The following MOB3B variants were observed in gnomAD, a reference collection of about 807,000 sequenced individuals.
MOB3B encodes MOB kinase activator-like 2B.
In MOB3B, 7 loss-of-function variants were observed where a neutral mutation model predicts 18.7. The observed-to-expected ratio is 0.37, with a 90% CI of 0.21 to 0.70. The LOEUF (loss-of-function observed/expected upper bound fraction) is 0.70. Among genes scored for constraint, MOB3B ranks in the 30% least tolerant of loss-of-function variants. MOB3B has a pLI of 0.52. For synonymous variants in MOB3B, 111 were observed against 99.9 expected (o/e 1.11, Z -0.66); for missense variants, 253 against 281.3 (o/e 0.90, Z 0.72).
intron 2 of MOB3B, among the ~76,000 whole-genome samples, chr9:27,404,717 G>A (rs77346764): frequency 2.0e-5 from 3 of 152,126 alleles, no homozygotes; most frequent in Non-Finnish European, 4.4e-5. Flanking sequence ...TGGCTATTGT[G>A]AACAGTGGTT....
intron 1 of MOB3B, among the ~76,000 whole-genome samples, chr9:27,491,080 T>TA (rs1337457965): frequency 6.6e-6 from 1 of 151,974 alleles, no homozygotes; most frequent in Non-Finnish European, 1.5e-5. Context: ...TCTCATACTT[T>TA]AAAAAAATCC....
chr9:27,350,583 C>A (rs1821089124), intron 3 of MOB3B, among the ~76,000 whole-genome samples: 1 of 152,184 alleles, frequency 6.6e-6, no homozygotes, highest in East Asian at 1.9e-4. Flanking sequence ...ATAAATAGGA[C>A]TGGCAGAGAC....
At chr9:27,501,281 A>G (rs753546442) in intron 1 of MOB3B, among the ~76,000 whole-genome samples, 22 of 152,154 alleles carry the variant, frequency 1.4e-4, no homozygotes, top group Non-Finnish European at 3.1e-4. Context: ...AAATCATGCT[A>G]CTATAAAGAC....
Position 27,352,756 on chromosome 9 carries a change from C to G in MOB3B, c.621+6278G>C, listed in dbSNP as rs141357839. Among the ~76,000 whole-genome samples the G allele has an allele frequency of 7.2e-5, 11 of 152,256 alleles. No homozygotes were observed. The East Asian group carries it at 2.1e-3, about 29-fold the overall frequency. On this transcript the variant is annotated intron_variant, in intron 3 of 3. Coordinates refer to ENST00000262244, the MANE Select transcript of MOB3B (RefSeq NM_024761.5). ...TGAGCAGTGCTGCCCAGAGTGTGTT[C>G]CATGGATCATGATATCTCTAAGATG... is the stretch of plus-strand genomic sequence containing the variant.
In MOB3B at chr9:27,329,198, C is replaced by T. The variant is rs1046076179; in HGVS notation, c.*1389G>A. ...TAATACATTCTTATCTACTTCCCTC[C>T]ACCGACAAATATTTTGCTAAATTAA... On this transcript the variant is annotated 3_prime_UTR_variant, in exon 4 of 4. Coordinates refer to ENST00000262244, the MANE Select transcript of MOB3B (RefSeq NM_024761.5). 1.3e-5 allele frequency: 2 copies of T among 152,130 alleles called. No individual in the cohort carries two copies. The highest frequency in any genetic ancestry group is 4.1e-4 in the South Asian group (2 of 4,822). The allele number at this position is 152,130 out of a possible 1,614,324, so 9.4% of individuals were successfully genotyped here. A position where few individuals can be genotyped will look rare whatever the true frequency, so the allele number is the denominator to read the frequency against.
intron 2 of MOB3B, among the ~76,000 whole-genome samples, chr9:27,389,012 T>C (rs1821688900): frequency 6.6e-6 from 1 of 152,206 alleles, no homozygotes; most frequent in Non-Finnish European, 1.5e-5. Flanking sequence ...CTCCACACAA[T>C]GGTCTGAGTA....
chr9:27,401,575 A>T (rs1821880005), intron 2 of MOB3B, among the ~76,000 whole-genome samples: 1 of 152,144 alleles, frequency 6.6e-6, no homozygotes, highest in Non-Finnish European at 1.5e-5. Flanking sequence ...ATTACCCCTT[A>T]AAAAACTTGC....
chr9:27,525,064 C>G, intron 1 of MOB3B: 1 of 1,006,522 alleles, frequency 9.9e-7, no homozygotes, highest in Non-Finnish European at 1.4e-6. Flanking sequence ...GTAAGCCTGT[C>G]CTCAGTTGGA....
intron 3 of MOB3B, among the ~76,000 whole-genome samples, chr9:27,336,539 G>T (rs1177862660): frequency 1.3e-5 from 2 of 152,074 alleles, no homozygotes; most frequent in African/African-American, 2.4e-5. Context: ...GGAAACTTTG[G>T]AAAAATGACT....
At chr9:27,456,398 C>T (rs1587229035) in intron 1 of MOB3B, among the ~76,000 whole-genome samples, 1 of 152,130 alleles carries the variant, frequency 6.6e-6, no homozygotes, top group East Asian at 1.9e-4. Context: ...GCTGCCAATA[C>T]ACAGAGAAAC....
rs113423178 is a variant in MOB3B, at chr9:27,425,385, A to C, written c.418+29748T>G. Among the ~76,000 whole-genome samples, 84 of 145,158 alleles carry C rather than the reference A, an allele frequency of 5.8e-4. 1 individual carries two copies. Among genetic ancestry groups the C allele is most frequent in the African/African-American group, 1.5e-3 (59 of 39,244 alleles). On this transcript the variant is annotated intron_variant, in intron 2 of 3. Transcript: ENST00000262244. The stretch of plus-strand genomic sequence containing the variant: ...AGCAAAACTGTCTCAAAAAAAAAAA[A>C]AAAACAAAACAACAACAACAAAAAA...
chr9:27,399,164 C>T (rs1250158741), intron 2 of MOB3B, among the ~76,000 whole-genome samples: 1 of 152,202 alleles, frequency 6.6e-6, no homozygotes, highest in Non-Finnish European at 1.5e-5. Flanking sequence ...CCCTATCTCT[C>T]TCTTTCATAA....
chr9:27,326,641 G>A lies in MOB3B; in HGVS notation c.*3946C>T. The A allele has an allele frequency of 2.5e-6, 1 of 398,338 alleles. No homozygotes were observed. The highest frequency in any genetic ancestry group is 4.4e-6 in the Non-Finnish European group (1 of 225,938). 24.7% of individuals were successfully genotyped at this position (398,338 alleles called of 1,614,324 possible). ...TTGAGAGATAGAAGGAATTGATTAA[G>A]AAACCTCTCAAAGTTTCTTCCACTT... On this transcript the variant is annotated 3_prime_UTR_variant, in exon 4 of 4. Transcript: ENST00000262244.
At chr9:27,466,604 G>A (rs781769692) in intron 1 of MOB3B, among the ~76,000 whole-genome samples, 1 of 152,152 alleles carries the variant, frequency 6.6e-6, no homozygotes, top group African/African-American at 2.4e-5. Flanking sequence ...AAGAAAAAAG[G>A]GGTTTAATTG....
At chr9:27,423,382 T>C (rs1225470996) in intron 2 of MOB3B, among the ~76,000 whole-genome samples, 3 of 149,994 alleles carry the variant, frequency 2.0e-5, no homozygotes, top group Admixed American at 6.7e-5. Flanking sequence ...ATGACTTTTT[T>C]TGTAATGGCA....
chr9:27,390,307 G>T (rs1821709285), intron 2 of MOB3B, among the ~76,000 whole-genome samples: 1 of 152,076 alleles, frequency 6.6e-6, no homozygotes, highest in Non-Finnish European at 1.5e-5. Flanking sequence ...CTGGAGTGCA[G>T]TGGGCGATCT....
chr9:27,512,913 A>T (rs534250130), intron 1 of MOB3B, among the ~76,000 whole-genome samples: 1 of 152,324 alleles, frequency 6.6e-6, no homozygotes, highest in Non-Finnish European at 1.5e-5. Flanking sequence ...ATGTACACAC[A>T]GGAAAGTACA....
intron 1 of MOB3B, among the ~76,000 whole-genome samples, chr9:27,466,758 T>C (rs1298382074): frequency 2.0e-5 from 3 of 152,314 alleles, no homozygotes; most frequent in South Asian, 2.1e-4. Context: ...GTGAGACTTA[T>C]TCACTATCAC....
chr9:27,447,895 C>T (rs1383248931), intron 2 of MOB3B, among the ~76,000 whole-genome samples: 1 of 152,176 alleles, frequency 6.6e-6, no homozygotes, highest in African/African-American at 2.4e-5. Flanking sequence ...ACTGAATAAA[C>T]TTGGGTAGCA....
Sources: allele counts gnomAD v4.1 joint callset (sites outside exome capture counted in the v4.1 genomes callset), GRCh38; gene constraint gnomAD v4.1.1; transcripts MANE v1.5; gene names NCBI Gene and HGNC (gene_info 2026-07-23, HGNC 2026-07-21).